SMAD3: variants seen among roughly 807,000 people sequenced by gnomAD.
SMAD3 encodes the protein SMAD family member 3, also known as MAD homolog 3.
SMAD3 carries 12 observed loss-of-function variants against 51.8 expected under a neutral mutation model. The ratio of observed to expected loss-of-function variants is 0.23; its 90% CI spans 0.15 to 0.38. SMAD3 has a LOEUF of 0.38. Ranked by LOEUF, SMAD3 falls within the 10% of genes least tolerant of loss-of-function variation. The probability of loss-of-function intolerance (pLI) is 1.00; values close to 1 mark genes in which losing one functional copy is unlikely to be tolerated. For missense variants in SMAD3, 294 were observed against 565.6 expected (o/e 0.52, Z 4.87); for synonymous variants, 238 against 227.7 (o/e 1.05, Z -0.41).
At chr15:67,072,718 C>A (rs1960082556) in intron 1 of SMAD3, among the ~76,000 whole-genome samples, 2 of 152,160 alleles carry the variant, frequency 1.3e-5, no homozygotes, top group Admixed American at 1.3e-4. Context: ...GGACTAACTC[C>A]TCCCTAAGGA....
At chr15:67,088,604 G>T (rs1265567287) in intron 1 of SMAD3, among the ~76,000 whole-genome samples, 1 of 152,158 alleles carries the variant, frequency 6.6e-6, no homozygotes, top group Non-Finnish European at 1.5e-5. Flanking sequence ...GAATGCTCCC[G>T]AGTGGGAGGG....
chr15:67,175,474 C>G (rs1232796893), intron 5 of SMAD3, among the ~76,000 whole-genome samples: 1 of 152,144 alleles, frequency 6.6e-6, no homozygotes, highest in South Asian at 2.1e-4. Context: ...GAGCTTGGAC[C>G]CAAGGCAGCA....
At chr15:67,121,770 A>G (rs1961269296) in intron 1 of SMAD3, among the ~76,000 whole-genome samples, 1 of 151,678 alleles carries the variant, frequency 6.6e-6, no homozygotes, top group Non-Finnish European at 1.5e-5. Context: ...ATATGAGGAA[A>G]TTTTGCTTAA....
At chr15:67,071,055 C>T (rs1283428497) in intron 1 of SMAD3, among the ~76,000 whole-genome samples, 6 of 152,144 alleles carry the variant, frequency 3.9e-5, no homozygotes, top group South Asian at 2.1e-4. Context: ...CTGTCTAGAG[C>T]GGGAGACAGA....
In SMAD3 at chr15:67,085,725, A is replaced by G. The variant is rs115690238; in HGVS notation, c.206+19365A>G. On this transcript the variant is annotated intron_variant, in intron 1 of 8. Coordinates refer to ENST00000327367, the MANE Select transcript of SMAD3 (RefSeq NM_005902.4). ...TCTACAGGCCGGCCTGGGGAAATCC[A>G]TGTTTTTTAACTTTCCTAGGTGATT... Among the ~76,000 whole-genome samples, 731 of 152,254 alleles carry G rather than the reference A, an allele frequency of 4.8e-3. 9 individuals carry two copies. The highest frequency in any genetic ancestry group is 0.017 in the African/African-American group (714 of 41,526).
At chr15:67,082,907 T>C (rs1327368754) in intron 1 of SMAD3, among the ~76,000 whole-genome samples, 1 of 152,104 alleles carries the variant, frequency 6.6e-6, no homozygotes, top group Non-Finnish European at 1.5e-5. Context: ...ATTAAAAGAG[T>C]TACAGTTTTT....
In SMAD3 at chr15:67,066,265, C is replaced by T; in HGVS notation, c.111C>T (p.Ser37=). 1.2e-6 allele frequency: 2 copies of T among 1,613,784 alleles called. No homozygotes were observed. Among genetic ancestry groups the T allele is most frequent in the Non-Finnish European group, 1.7e-6 (2 of 1,179,880 alleles). ...EEKWCEKAVK[S]LVKKLKKTGQ... ...AATGGTGCGAGAAGGCGGTCAAGAG[C>T]CTGGTCAAGAAACTCAAGAAGACGG... The change falls in exon 1 of 9, where the codon AGC becomes AGT. Residue 37 remains serine, a synonymous_variant. Coordinates refer to ENST00000327367, the MANE Select transcript of SMAD3 (RefSeq NM_005902.4).
At chr15:67,136,814 C>T (rs904578022) in intron 1 of SMAD3, among the ~76,000 whole-genome samples, 3 of 152,206 alleles carry the variant, frequency 2.0e-5, no homozygotes, top group Non-Finnish European at 4.4e-5. Context: ...TTCTCCCCAT[C>T]CCCCCAAGGG....
At chr15:67,127,698 G>C (rs1961424572) in intron 1 of SMAD3, among the ~76,000 whole-genome samples, 1 of 152,200 alleles carries the variant, frequency 6.6e-6, no homozygotes, top group East Asian at 1.9e-4. Context: ...TTTTGAAATT[G>C]ATTGGTTGGT....
rs940923241 is a variant in SMAD3 at position 67,100,142 on chromosome 15, T to C, written c.206+33782T>C. On this transcript the variant is annotated intron_variant, in intron 1 of 8. Transcript: ENST00000327367. ...GTTGCAGTGAGCCGAGATCGCACCC[T>C]TGCACTCCAGCCTGGGCAACAAGAG... 7.6e-5 allele frequency among the ~76,000 whole-genome samples: 11 copies of C among 144,304 alleles called. No homozygotes were observed. The South Asian group carries it at 1.3e-3, about 17-fold the overall frequency. The allele number at this position is 144,304 out of a possible 152,430, so 94.7% of individuals were successfully genotyped here.
chr15:67,090,426 A>G (rs900353794), intron 1 of SMAD3, among the ~76,000 whole-genome samples: 2 of 152,060 alleles, frequency 1.3e-5, no homozygotes, highest in African/African-American at 4.8e-5. Flanking sequence ...AAGTGACTTG[A>G]CTGATCATCT....
rs7164678 is a variant in SMAD3 at position 67,072,812 on chromosome 15, G to A, written c.206+6452G>A. ...CCCATCTTCAAGCACAATGGTTCCT[G>A]GAAACAGTGGGAAGTTGCCATCCTA... is the stretch of plus-strand genomic sequence containing the variant. On this transcript the variant is annotated intron_variant, in intron 1 of 8. Transcript: ENST00000327367. 9.7e-3 allele frequency among the ~76,000 whole-genome samples: 1,473 copies of A among 152,280 alleles called. 17 individuals carry two copies. The highest frequency in any genetic ancestry group is 0.033 in the African/African-American group (1,386 of 41,550).
Position 67,132,186 on chromosome 15 carries a change from G to A in SMAD3, c.207-32709G>A, listed in dbSNP as rs191328698. The stretch of plus-strand genomic sequence containing the variant: ...GGGGAAACTGAGTCCTCAGCGATCA[G>A]CCACATAGATTCTGTGTTGTAGAGA... On this transcript the variant is annotated intron_variant, in intron 1 of 8. Transcript: ENST00000327367. Among the ~76,000 whole-genome samples the A allele has an allele frequency of 2.0e-5, 3 of 152,266 alleles. No homozygotes were observed. The East Asian group carries it at 5.8e-4, about 29-fold the overall frequency.
At chr15:67,081,746 G>A (rs1026257380) in intron 1 of SMAD3, among the ~76,000 whole-genome samples, 5 of 152,014 alleles carry the variant, frequency 3.3e-5, no homozygotes, top group African/African-American at 7.3e-5. Flanking sequence ...TATTCCTTGG[G>A]GGTCTCTTTA....
chr15:67,090,544 ACTT>A (rs1357538176), intron 1 of SMAD3, among the ~76,000 whole-genome samples: 1 of 152,056 alleles, frequency 6.6e-6, no homozygotes, highest in African/African-American at 2.4e-5. Flanking sequence ...GATGATGTCC[ACTT>A]CTTGGGGACG....
At chr15:67,172,128 G>C (rs1330437861) in intron 5 of SMAD3, among the ~76,000 whole-genome samples, 1 of 152,224 alleles carries the variant, frequency 6.6e-6, no homozygotes, top group East Asian at 1.9e-4. Context: ...TCTAGATTGT[G>C]TAGACTAGGA....
At chr15:67,071,053 A>G (rs560108198) in intron 1 of SMAD3, among the ~76,000 whole-genome samples, 1 of 152,300 alleles carries the variant, frequency 6.6e-6, no homozygotes, top group East Asian at 1.9e-4. Context: ...CCCTGTCTAG[A>G]GCGGGAGACA....
intron 1 of SMAD3, among the ~76,000 whole-genome samples, chr15:67,114,652 C>T (rs762173664): frequency 1.3e-5 from 2 of 152,094 alleles, no homozygotes; most frequent in Admixed American, 6.6e-5. Flanking sequence ...GAGTGGGTTG[C>T]GAAGACCTGA....
At chr15:67,110,971 C>A (rs975087110) in intron 1 of SMAD3, among the ~76,000 whole-genome samples, 8 of 152,174 alleles carry the variant, frequency 5.3e-5, no homozygotes, top group Admixed American at 4.6e-4. Flanking sequence ...ATTCAGTAAA[C>A]CTTTTGAAAA....
Sources: allele counts gnomAD v4.1 joint callset (sites outside exome capture counted in the v4.1 genomes callset), GRCh38; gene constraint gnomAD v4.1.1; transcripts MANE v1.5; gene names NCBI Gene and HGNC (gene_info 2026-07-23, HGNC 2026-07-21).